NHSL2: variants seen among roughly 807,000 people sequenced by gnomAD.
NHSL2 encodes NHS like 2, also known as NHS-like protein 2.
Under a neutral mutation model 53.4 loss-of-function variants are expected in NHSL2, and 27 were observed. That is an observed-to-expected ratio of 0.51 (90% confidence interval 0.37 to 0.70). The LOEUF is 0.70. NHSL2 is among the 30% of genes least tolerant of loss of function. The pLI, the probability that NHSL2 is intolerant of heterozygous loss-of-function variation, is 0.00. For synonymous variants in NHSL2, 408 were observed against 404.1 expected (o/e 1.01, Z -0.12); for missense variants, 892 against 980.1 (o/e 0.91, Z 1.20).
At chrX:71,988,103 A>T (rs2042010840) in intron 1 of NHSL2, among the ~76,000 whole-genome samples, 1 of 112,211 alleles carries the variant, frequency 8.9e-6, no homozygotes, top group Admixed American at 9.4e-5. Context: ...AGAAATGGAA[A>T]AGAGAGAAAG....
At chrX:72,070,829 C>T (rs2041697090) in intron 1 of NHSL2, among the ~76,000 whole-genome samples, 1 of 111,255 alleles carries the variant, frequency 9.0e-6, no homozygotes, top group Admixed American at 9.5e-5. Context: ...TTGGGAAGCT[C>T]TCATTCACCA....
At chrX:71,988,496 T>A (rs1271490045) in intron 1 of NHSL2, among the ~76,000 whole-genome samples, 6 of 111,502 alleles carry the variant, frequency 5.4e-5, no homozygotes, top group Admixed American at 3.8e-4. Context: ...GCTCCTAAGT[T>A]GGGCTTCTAA....
intron 1 of NHSL2, chrX:72,130,390 T>G (rs2042277401): frequency 1.7e-6 from 2 of 1,177,501 alleles, no homozygotes; most frequent in Non-Finnish European, 2.3e-6. Flanking sequence ...CATTTCTTCC[T>G]CCTTCTTCAT....
In NHSL2 at chrX:71,929,956, T is replaced by C. The variant is rs191492803; in HGVS notation, c.280+18589T>C. 5.7e-3 allele frequency among the ~76,000 whole-genome samples: 633 copies of C among 110,981 alleles called. 3 individuals carry two copies. Among genetic ancestry groups the C allele is most frequent in the Non-Finnish European group, 0.01 (542 of 52,920 alleles). On this transcript the variant is annotated intron_variant, in intron 1 of 7. Transcript: ENST00000633930. ...TTTTTGTAGAGGCGGGGTTTTGTCATGTTGCCCAGGCTGGTCTCAAACTCC... is the reference window on the plus strand; with the variant it reads ...TTTTTGTAGAGGCGGGGTTTTGTCACGTTGCCCAGGCTGGTCTCAAACTCC...
chrX:71,995,245 C>T (rs2042044754), intron 1 of NHSL2, among the ~76,000 whole-genome samples: 1 of 112,374 alleles, frequency 8.9e-6, no homozygotes, highest in Admixed American at 9.4e-5. Context: ...TTTGCAGCAG[C>T]CTCCTGACAG....
chrX:72,038,035 G>A (rs1189196876), intron 1 of NHSL2, among the ~76,000 whole-genome samples: 1 of 112,147 alleles, frequency 8.9e-6, no homozygotes. Context: ...ATTTGTTTCG[G>A]CAGCACAGGA....
chrX:72,000,464 C>G (rs764506045), intron 1 of NHSL2, among the ~76,000 whole-genome samples: 1 of 112,322 alleles, frequency 8.9e-6, no homozygotes, highest in South Asian at 3.7e-4. Context: ...CACATTACCG[C>G]AAATTCAGTG....
At chrX:71,914,096 C>T (rs1339847514) in intron 1 of NHSL2, among the ~76,000 whole-genome samples, 4 of 112,108 alleles carry the variant, frequency 3.6e-5, no homozygotes, top group African/African-American at 1.3e-4. Context: ...AAGGAGGAGA[C>T]GGTAGACCAC....
At chrX:72,032,254 G>A (rs761889416) in intron 1 of NHSL2, among the ~76,000 whole-genome samples, 1 of 111,293 alleles carries the variant, frequency 9.0e-6, no homozygotes, top group South Asian at 3.8e-4. Context: ...TTAGCTGGGC[G>A]TTGTGGCAGG....
chrX:72,075,777 G>A (rs1426845598), intron 1 of NHSL2, among the ~76,000 whole-genome samples: 1 of 111,233 alleles, frequency 9.0e-6, no homozygotes, highest in Non-Finnish European at 1.9e-5. Flanking sequence ...AGCAAGGAGC[G>A]TGTGTGAGCT....
At chrX:72,008,575 G>T (rs183634111) in intron 1 of NHSL2, among the ~76,000 whole-genome samples, 174 of 112,003 alleles carry the variant, frequency 1.6e-3, no homozygotes, top group African/African-American at 5.3e-3. Flanking sequence ...ATTGAACCTT[G>T]GCACAGAGTT....
rs145114142 is a variant in NHSL2 at position 72,025,533 on chromosome X, G to A, written c.281-106546G>A. 4.3e-3 allele frequency among the ~76,000 whole-genome samples: 480 copies of A among 112,681 alleles called. 6 individuals carry two copies. In the East Asian group the frequency reaches 0.083, roughly 20 times the overall value. The stretch of plus-strand genomic sequence containing the variant: ...TCTACAGTCACCAGCATGTAAGTGC[G>A]GAGCTGGGACACACATCCAGGTCTG... On this transcript the variant is annotated intron_variant, in intron 1 of 7. Transcript: ENST00000633930.
intron 1 of NHSL2, among the ~76,000 whole-genome samples, chrX:72,019,923 G>A (rs2042152138): frequency 8.9e-6 from 1 of 111,810 alleles, no homozygotes; most frequent in African/African-American, 3.3e-5. Flanking sequence ...TTTTGACTCA[G>A]CCCATCTGCA....
rs149088929 is a variant in NHSL2 at position 72,110,223 on chromosome X, C to T, written c.281-21856C>T. The stretch of plus-strand genomic sequence containing the variant: ...TACAGAATCTCAGCACACACACCCC[C>T]GCTCCACCTACTGCGACAGAACCCG... On this transcript the variant is annotated intron_variant, in intron 1 of 7. Coordinates refer to ENST00000633930, the MANE Select transcript of NHSL2 (RefSeq NM_001013627.3). Among the ~76,000 whole-genome samples, 259 of 111,691 alleles carry T rather than the reference C, an allele frequency of 2.3e-3. 1 individual carries two copies. The highest frequency in any genetic ancestry group is 0.019 in the Admixed American group (196 of 10,524).
chrX:72,143,901 C>G lies in NHSL2; in HGVS notation c.*327C>G. On this transcript the variant is annotated 3_prime_UTR_variant, in exon 8 of 8. Coordinates refer to ENST00000633930, the MANE Select transcript of NHSL2 (RefSeq NM_001013627.3). ...ATGTGCCACTTTTTCAATTCAGTGA[C>G]CCGGCTGCTCCATCCCTGGCTCCTG... 1 of 152,691 alleles carries G rather than the reference C, an allele frequency of 6.5e-6. No homozygotes were observed. The highest frequency in any genetic ancestry group is 1.3e-5 in the Non-Finnish European group (1 of 79,035). 12.6% of individuals were successfully genotyped at this position (152,691 alleles called of 1,213,427 possible).
intron 1 of NHSL2, among the ~76,000 whole-genome samples, chrX:71,989,875 C>T (rs368282485): frequency 8.9e-6 from 1 of 112,411 alleles, no homozygotes; most frequent in Non-Finnish European, 1.9e-5. Context: ...CCTCGTGGCT[C>T]GGGCATTGAG....
At chrX:72,020,892 C>G (rs886458904) in intron 1 of NHSL2, among the ~76,000 whole-genome samples, 2 of 112,711 alleles carry the variant, frequency 1.8e-5, no homozygotes, top group African/African-American at 6.5e-5. Context: ...ACCTGAAATT[C>G]TTCATTTTGT....
intron 7 of NHSL2, among the ~76,000 whole-genome samples, chrX:72,142,835 G>A (rs1806951948): frequency 8.9e-6 from 1 of 112,003 alleles, no homozygotes; most frequent in African/African-American, 3.2e-5. Flanking sequence ...ACCAGATGGG[G>A]ACCAGTTATT....
At chrX:72,134,307 C>T (rs889316261) in intron 3 of NHSL2, 89 bp downstream of exon 3, 1 of 978,738 alleles carries the variant, frequency 1.0e-6, no homozygotes, top group African/African-American at 1.9e-5. Context: ...CTGGAAGCTG[C>T]TCAGCCCTGC....
Sources: allele counts gnomAD v4.1 joint callset (sites outside exome capture counted in the v4.1 genomes callset), GRCh38; gene constraint gnomAD v4.1.1; transcripts MANE v1.5; gene names NCBI Gene and HGNC (gene_info 2026-07-23, HGNC 2026-07-21).